DMD: variants seen among roughly 807,000 people sequenced by gnomAD.
DMD encodes the protein mutant dystrophin.
DMD carries 63 observed loss-of-function variants against 330.1 expected under a neutral mutation model. That is an observed-to-expected ratio of 0.19 (90% CI 0.16 to 0.24). The LOEUF is 0.24. Among genes scored for constraint, DMD ranks in the 10% least tolerant of loss-of-function variants. The pLI, the probability that DMD is intolerant of heterozygous loss-of-function variation, is 1.00. For missense variants in DMD, 3,344 were observed against 2,684.1 expected, an observed-to-expected ratio of 1.25 and a Z score of -5.43; for synonymous variants, 1,223 against 959.8, an observed-to-expected ratio of 1.27 and a Z score of -5.07.
At chrX:32,173,623 G>A (rs2096896256) in intron 44 of DMD, among the ~76,000 whole-genome samples, 1 of 110,745 alleles carries the variant, frequency 9.0e-6, no homozygotes, top group Non-Finnish European at 1.9e-5. Context: ...TGCCCACCTC[G>A]GCCTCCCAAA....
At chrX:32,763,958 A>G (rs1311483927) in intron 7 of DMD, among the ~76,000 whole-genome samples, 2 of 111,766 alleles carry the variant, frequency 1.8e-5, no homozygotes, top group Non-Finnish European at 3.8e-5. Context: ...CGCACACAAC[A>G]ACAGTATGCT....
At chrX:33,049,768 T>C (rs2094434598) in intron 1 of DMD, among the ~76,000 whole-genome samples, 1 of 111,607 alleles carries the variant, frequency 9.0e-6, no homozygotes, top group Non-Finnish European at 1.9e-5. Flanking sequence ...TAATTATCAA[T>C]ATTAATACGA....
At position 31,933,783 on chromosome X, in the gene DMD, T is replaced by G. The variant is rs757499131; in HGVS notation, c.6615-1556A>C. Among the ~76,000 whole-genome samples the G allele has an allele frequency of 3.6e-5, 4 of 111,983 alleles. No individual in the cohort carries two copies. In the South Asian group the frequency reaches 1.5e-3, roughly 41 times the overall value. On this transcript the variant is annotated intron_variant, in intron 45 of 78. Coordinates refer to ENST00000357033, the MANE Select transcript of DMD (RefSeq NM_004006.3). Reference sequence around the variant, plus strand: ...GTACTGAATATTATGAAAATGGAATTGTATGGCTTTATACTCCTTTGTGTC... The same window carrying G: ...GTACTGAATATTATGAAAATGGAATGGTATGGCTTTATACTCCTTTGTGTC...
chrX:31,496,211 A>C (rs932736861), intron 57 of DMD, among the ~76,000 whole-genome samples: 14 of 112,343 alleles, frequency 1.2e-4, no homozygotes, highest in African/African-American at 4.2e-4. Flanking sequence ...TTCAATTTTT[A>C]TTTAAACCAA....
At chrX:33,261,666 A>ACACACG (rs1302047040) in intron 1 of DMD, among the ~76,000 whole-genome samples, 2 of 108,166 alleles carry the variant, frequency 1.8e-5, no homozygotes, top group Admixed American at 1.0e-4. Context: ...ACACACACAC[A>ACACACG]CGCCATGAAG....
At chrX:31,155,345 A>AAATG (rs1415674759) in intron 74 of DMD, among the ~76,000 whole-genome samples, 3 of 112,875 alleles carry the variant, frequency 2.7e-5, no homozygotes, top group Admixed American at 9.4e-5. Flanking sequence ...TGAAATAAAG[A>AAATG]AATGAAGGTC....
intron 29 of DMD, among the ~76,000 whole-genome samples, chrX:32,424,259 G>A (rs1031631896): frequency 8.2e-5 from 9 of 110,055 alleles, no homozygotes; most frequent in African/African-American, 3.0e-4. Context: ...GAGAAGTCAA[G>A]ATTCAAGATA....
intron 29 of DMD, among the ~76,000 whole-genome samples, chrX:32,418,972 CAAA>C (rs1160282195): frequency 2.8e-3 from 38 of 13,497 alleles, no homozygotes; most frequent in South Asian, 4.8e-3. Flanking sequence ...GACTCTGTCT[CAAA>C]AAAAAAAAAA....
intron 1 of DMD, among the ~76,000 whole-genome samples, chrX:33,032,470 T>C (rs1043171093): frequency 2.7e-5 from 3 of 112,363 alleles, no homozygotes; most frequent in Admixed American, 1.9e-4. Flanking sequence ...AATTCAATAA[T>C]GATGGAATGT....
chrX:31,684,548 T>A (rs1340969264), intron 52 of DMD, among the ~76,000 whole-genome samples: 1 of 112,174 alleles, frequency 8.9e-6, no homozygotes, highest in Non-Finnish European at 1.9e-5. Context: ...GATGGACTTA[T>A]GGTTCCAAGT....
intron 1 of DMD, among the ~76,000 whole-genome samples, chrX:33,048,957 A>G (rs967497633): frequency 1.8e-5 from 2 of 110,960 alleles, no homozygotes; most frequent in African/African-American, 6.6e-5. Context: ...CTTTAGGGCC[A>G]GTGTATTCAC....
chrX:31,288,978 T>C (rs1286041686), intron 62 of DMD, among the ~76,000 whole-genome samples: 6 of 110,530 alleles, frequency 5.4e-5, no homozygotes, highest in Non-Finnish European at 1.1e-4. Context: ...CTTAAAGAAA[T>C]ATAAGAACAT....
chrX:32,076,339 C>T (rs1203663996), intron 44 of DMD, among the ~76,000 whole-genome samples: 1 of 108,003 alleles, frequency 9.3e-6, no homozygotes, highest in African/African-American at 3.4e-5. Flanking sequence ...CAATGTTGTG[C>T]TCTGGCCATA....
chrX:31,249,910 T>A (rs952969716), intron 63 of DMD, among the ~76,000 whole-genome samples: 1 of 111,688 alleles, frequency 9.0e-6, no homozygotes, highest in Admixed American at 9.5e-5. Context: ...TTACCTTACA[T>A]ATGTCATTCT....
chrX:32,454,454 T>C (rs1295009741), intron 26 of DMD, among the ~76,000 whole-genome samples: 1 of 110,930 alleles, frequency 9.0e-6, no homozygotes. Context: ...ATTTTCATAA[T>C]TGACCACAAT....
intron 1 of DMD, among the ~76,000 whole-genome samples, chrX:33,271,997 C>T (rs2053164976): frequency 2.7e-5 from 3 of 109,533 alleles, no homozygotes; most frequent in Admixed American, 1.9e-4. Context: ...GATTCTCCTG[C>T]CTCAGCCTCC....
intron 7 of DMD, among the ~76,000 whole-genome samples, chrX:32,725,190 A>G (rs775138012): frequency 9.0e-6 from 1 of 111,296 alleles, no homozygotes; most frequent in African/African-American, 3.3e-5. Flanking sequence ...ACTCTAATAT[A>G]TAAGGGTGTT....
At chrX:31,464,903 T>G (rs1317877145) in intron 59 of DMD, among the ~76,000 whole-genome samples, 2 of 112,548 alleles carry the variant, frequency 1.8e-5, no homozygotes, top group African/African-American at 6.5e-5. Flanking sequence ...AGCAGATGTC[T>G]GAAACAATTA....
chrX:31,559,233 C>A (rs2075036080), intron 55 of DMD, among the ~76,000 whole-genome samples: 1 of 111,614 alleles, frequency 9.0e-6, no homozygotes, highest in South Asian at 3.8e-4. Flanking sequence ...TGCTGGGTTG[C>A]TGGATCTGTG....
Sources: gnomAD v4.1 joint callset for allele counts (sites outside exome capture counted in the v4.1 genomes callset) on GRCh38, gnomAD v4.1.1 for gene constraint, MANE v1.5 for transcripts, NCBI Gene and HGNC (gene_info 2026-07-23, HGNC 2026-07-21) for gene names.